The following BCKDHA variants were observed in gnomAD, a reference collection of about 807,000 sequenced individuals.
BCKDHA encodes branched chain keto acid dehydrogenase E1 subunit alpha, also known as 2-oxoisovalerate dehydrogenase subunit alpha, mitochondrial.
Under a neutral mutation model 52.2 loss-of-function variants are expected in BCKDHA, and 43 were observed. The ratio of observed to expected loss-of-function variants is 0.82; its 90% CI spans 0.64 to 1.06. The LOEUF (loss-of-function observed/expected upper bound fraction) is 1.06, where lower values mean the gene tolerates loss of function less well. Among genes scored for constraint, BCKDHA ranks in the 50% least tolerant of loss-of-function variants. BCKDHA has a pLI of 0.00. For synonymous variants in BCKDHA, 234 were observed against 247.9 expected, an observed-to-expected ratio of 0.94 and a Z score of 0.53; for missense variants, 527 against 621.3, an observed-to-expected ratio of 0.85 and a Z score of 1.61.
intron 3 of BCKDHA, among the ~76,000 whole-genome samples, chr19:41,412,220 C>T (rs755375263): frequency 6.7e-6 from 1 of 149,014 alleles, no homozygotes; most frequent in Non-Finnish European, 1.5e-5. Context: ...TCGACATCTT[C>T]CTCCCAGGCG....
At chr19:41,419,358 C>A in intron 5 of BCKDHA, 62 bp downstream of exon 5, 2 of 1,553,386 alleles carry the variant, frequency 1.3e-6, no homozygotes, top group East Asian at 2.4e-5. Flanking sequence ...CTGTCCAGGC[C>A]TCAGCTCTTT....
At chr19:41,422,566 T>A (rs2039379448) in intron 6 of BCKDHA, 63 bp from the exon 7 acceptor site, 1 of 1,609,356 alleles carries the variant, frequency 6.2e-7, no homozygotes, top group African/African-American at 1.3e-5. Flanking sequence ...GCTCGTCCCC[T>A]TGGCCTCGTG....
chr19:41,398,808 C>T (rs1223199844), intron 1 of BCKDHA, among the ~76,000 whole-genome samples: 1 of 137,314 alleles, frequency 7.3e-6, no homozygotes, highest in Non-Finnish European at 1.5e-5. Context: ...TGTCCTTGCT[C>T]TGCCGCTTTC....
At chr19:41,412,247 C>T (rs917665801) in intron 3 of BCKDHA, among the ~76,000 whole-genome samples, 1 of 150,208 alleles carries the variant, frequency 6.7e-6, no homozygotes, top group Admixed American at 6.6e-5. Flanking sequence ...TTTGCCTCAC[C>T]TAGTCCGTTT....
At chr19:41,420,602 A>G (rs2039354132) in intron 5 of BCKDHA, among the ~76,000 whole-genome samples, 1 of 152,158 alleles carries the variant, frequency 6.6e-6, no homozygotes, top group South Asian at 2.1e-4. Context: ...AAAAAAAAAA[A>G]AAGGAAATTG....
At chr19:41,401,875 G>A (rs781746385) in intron 1 of BCKDHA, among the ~76,000 whole-genome samples, 7 of 152,188 alleles carry the variant, frequency 4.6e-5, no homozygotes, top group Non-Finnish European at 8.8e-5. Context: ...GGGGGTTCCA[G>A]TGCCCTGTGC....
chr19:41,423,995 A>G (rs1168525579), intron 8 of BCKDHA, among the ~76,000 whole-genome samples: 2 of 151,850 alleles, frequency 1.3e-5, no homozygotes, highest in Non-Finnish European at 2.9e-5. Context: ...TATCTCTTAA[A>G]AAAAAAAAAA....
At chr19:41,401,810 G>A (rs1441785329) in intron 1 of BCKDHA, among the ~76,000 whole-genome samples, 8 of 152,172 alleles carry the variant, frequency 5.3e-5, no homozygotes, top group Admixed American at 5.2e-4. Context: ...AGCTCGCTCT[G>A]TGCTAATTAT....
chr19:41,403,581 G>C (rs974151411), intron 1 of BCKDHA, among the ~76,000 whole-genome samples: 8 of 152,208 alleles, frequency 5.3e-5, no homozygotes, highest in African/African-American at 1.9e-4. Context: ...TTTTTCCCTA[G>C]GACTGAAGTG....
At chr19:41,411,118 G>T (rs1027441046) in intron 3 of BCKDHA, 109 bp downstream of exon 3, 19 of 1,253,348 alleles carry the variant, frequency 1.5e-5, no homozygotes, top group Non-Finnish European at 1.7e-5. Flanking sequence ...TTTTTGGGGG[G>T]GTTCCATAGA....
At chr19:41,406,232 C>T (rs575081106) in intron 1 of BCKDHA, among the ~76,000 whole-genome samples, 1 of 152,270 alleles carries the variant, frequency 6.6e-6, no homozygotes, top group East Asian at 1.9e-4. Flanking sequence ...AGCTGTCCAG[C>T]CTCTAGAGGC....
At chr19:41,409,790 T>G (rs946232662) in intron 1 of BCKDHA, among the ~76,000 whole-genome samples, 1 of 149,718 alleles carries the variant, frequency 6.7e-6, no homozygotes, top group Non-Finnish European at 1.5e-5. Context: ...CATATCACCC[T>G]CTAAGGGATT....
chr19:41,411,081 G>A (rs2039248686), intron 3 of BCKDHA, 72 bp downstream of exon 3: 3 of 1,512,102 alleles, frequency 2.0e-6, no homozygotes, highest in South Asian at 2.3e-5. Flanking sequence ...TGGGCCAAAG[G>A]AATGGCTCCC....
chr19:41,410,013 T>G (rs2039234713), intron 1 of BCKDHA, among the ~76,000 whole-genome samples: 1 of 152,142 alleles, frequency 6.6e-6, no homozygotes, highest in Non-Finnish European at 1.5e-5. Context: ...GTTGGCCACA[T>G]TGATCTCGAA....
intron 1 of BCKDHA, 81 bp from the exon 2 acceptor site, chr19:41,410,556 C>G: frequency 6.6e-7 from 1 of 1,526,692 alleles, no homozygotes; most frequent in Non-Finnish European, 9.0e-7. Flanking sequence ...CACCATGCCG[C>G]CTGCCTGCCG....
intron 1 of BCKDHA, among the ~76,000 whole-genome samples, chr19:41,404,415 G>A (rs1411243037): frequency 2.0e-5 from 3 of 151,544 alleles, no homozygotes; most frequent in Non-Finnish European, 2.9e-5. Flanking sequence ...TCAGCCTCCC[G>A]AGTAGCTGGG....
intron 3 of BCKDHA, among the ~76,000 whole-genome samples, chr19:41,411,710 G>A (rs539327004): frequency 6.6e-6 from 1 of 152,220 alleles, no homozygotes; most frequent in African/African-American, 2.4e-5. Flanking sequence ...TGCTGCCTGC[G>A]GGAGATTGAG....
intron 4 of BCKDHA, among the ~76,000 whole-genome samples, chr19:41,414,794 G>GGT (rs1040603512): frequency 5.9e-5 from 9 of 152,268 alleles, no homozygotes; most frequent in African/African-American, 2.2e-4. Context: ...GGAGCTTGTT[G>GGT]GTGTGGGGCC....
chr19:41,401,384 G>A (rs1421241519), intron 1 of BCKDHA, among the ~76,000 whole-genome samples: 1 of 152,132 alleles, frequency 6.6e-6, no homozygotes, highest in Non-Finnish European at 1.5e-5. Flanking sequence ...CTAAGATGAT[G>A]CAGTTTTATC....
Sources: gnomAD v4.1 joint callset for allele counts (sites outside exome capture counted in the v4.1 genomes callset) on GRCh38, gnomAD v4.1.1 for gene constraint, MANE v1.5 for transcripts, NCBI Gene and HGNC (gene_info 2026-07-23, HGNC 2026-07-21) for gene names.